Variants in VPS26A observed in about 807,000 individuals in gnomAD.
The protein encoded by VPS26A is vacuolar protein sorting-associated protein 26A.
VPS26A carries 22 observed loss-of-function variants against 42.4 expected under a neutral mutation model. The ratio of observed to expected loss-of-function variants is 0.52; its 90% CI spans 0.37 to 0.74. VPS26A has a LOEUF of 0.74. VPS26A is among the 30% of genes least tolerant of loss of function. The pLI, the probability that VPS26A is intolerant of heterozygous loss-of-function variation, is 0.00. For missense variants in VPS26A, 276 were observed against 379.2 expected, an observed-to-expected ratio of 0.73 and a Z score of 2.26; for synonymous variants, 110 against 123.5, an observed-to-expected ratio of 0.89 and a Z score of 0.73.
Position 69,166,216 on chromosome 10 carries a change from A to AT in VPS26A, c.727+108dup, listed in dbSNP as rs374276471. On this transcript the variant is annotated intron_variant, in intron 7 of 8. Transcript: ENST00000263559. ...GAAAGTATCTTTGAATTCTTAAACC[A>AT]TTCTTACAATGATAGCTTTTAAGGT... The AT allele has an allele frequency of 1.7e-3, 1,652 of 993,738 alleles. 21 individuals carry two copies. The African/African-American group carries it at 0.024, about 14-fold the overall frequency. 61.6% of individuals were successfully genotyped at this position (993,738 alleles called of 1,614,324 possible). A position where few individuals can be genotyped will look rare whatever the true frequency, so the allele number is the denominator to read the frequency against.
intron 2 of VPS26A, among the ~76,000 whole-genome samples, chr10:69,151,617 A>C (rs1841317416): frequency 6.6e-6 from 1 of 152,224 alleles, no homozygotes; most frequent in Non-Finnish European, 1.5e-5. Flanking sequence ...GCTTAAAAGC[A>C]ACTGTGTTTT....
chr10:69,139,708 A>G (rs1840997635), intron 2 of VPS26A, among the ~76,000 whole-genome samples: 1 of 152,190 alleles, frequency 6.6e-6, no homozygotes. Context: ...GCCATTATTA[A>G]TTAGTATTTA....
chr10:69,132,021 A>C (rs560496497), intron 1 of VPS26A, among the ~76,000 whole-genome samples: 2 of 152,300 alleles, frequency 1.3e-5, no homozygotes, highest in African/African-American at 4.8e-5. Context: ...AATTCACAGA[A>C]ATTTTATTTT....
intron 5 of VPS26A, among the ~76,000 whole-genome samples, chr10:69,159,208 C>A (rs1841498138): frequency 6.6e-6 from 1 of 152,030 alleles, no homozygotes; most frequent in Admixed American, 6.6e-5. Context: ...TGGAGAAACT[C>A]CGTCTCCACT....
intron 2 of VPS26A, chr10:69,133,555 CT>C: frequency 7.8e-7 from 1 of 1,289,448 alleles, no homozygotes; most frequent in Non-Finnish European, 1.0e-6. Context: ...GACTTGAGTA[CT>C]TTTGGGATGT....
intron 2 of VPS26A, among the ~76,000 whole-genome samples, chr10:69,133,378 C>T (rs57274572): frequency 7.2e-5 from 11 of 151,876 alleles, no homozygotes; most frequent in East Asian, 1.9e-4. Flanking sequence ...TTCTTCAGAT[C>T]GGAGCTGTAA....
intron 6 of VPS26A, among the ~76,000 whole-genome samples, chr10:69,163,875 C>T (rs1291892358): frequency 2.0e-5 from 3 of 150,572 alleles, no homozygotes; most frequent in African/African-American, 7.3e-5. Flanking sequence ...ACGCCATTCT[C>T]CTGCCTCAGC....
At chr10:69,164,223 CTT>C (rs756313883) in intron 6 of VPS26A, among the ~76,000 whole-genome samples, 7 of 144,524 alleles carry the variant, frequency 4.8e-5, no homozygotes, top group Non-Finnish European at 6.1e-5. Flanking sequence ...CCCCCTCCAC[CTT>C]TTTTTTTTTT....
rs1420391397 is a variant in VPS26A at position 69,171,794 on chromosome 10, C to T, written c.*525C>T. 6.5e-6 allele frequency: 1 copy of T among 153,176 alleles called. No homozygotes were observed. The highest frequency in any genetic ancestry group is 1.5e-5 in the Non-Finnish European group (1 of 68,516). The allele number at this position is 153,176 out of a possible 1,614,324, so 9.5% of individuals were successfully genotyped here. On this transcript the variant is annotated 3_prime_UTR_variant, in exon 9 of 9. Transcript: ENST00000263559. ...TTTTGAGAACTACATTTGTTTTTAACATATGTGTTTGAGAAAAGCATATGG... is the reference window on the plus strand; with the variant it reads ...TTTTGAGAACTACATTTGTTTTTAATATATGTGTTTGAGAAAAGCATATGG...
rs1483650289 is a variant in VPS26A at position 69,171,241 on chromosome 10, A to G, written c.956A>G (p.Gln319Arg). 1.2e-6 allele frequency: 2 copies of G among 1,613,724 alleles called. No homozygotes were observed. The highest frequency in any genetic ancestry group is 1.3e-5 in the African/African-American group (1 of 74,922). The change falls in exon 9 of 9, where the codon CAG becomes CGG. Residue 319 changes from glutamine (Q) to arginine (R), a missense_variant. Physicochemically the swap from Gln to Arg is conservative, Grantham distance 43 (BLOSUM62 1). Transcript: ENST00000263559. ...FHQRFESPES[Q>R]ASAEQPEM Reference sequence around the variant, plus strand: ...CAGCGATTTGAATCTCCAGAATCACAGGCATCTGCCGAACAGCCTGAAATG... The same window carrying G: ...CAGCGATTTGAATCTCCAGAATCACGGGCATCTGCCGAACAGCCTGAAATG...
intron 2 of VPS26A, among the ~76,000 whole-genome samples, chr10:69,151,284 C>CAAAAAAAAAAAAAAA (rs1162179375): frequency 1.6e-4 from 18 of 111,860 alleles, no homozygotes; most frequent in East Asian, 7.2e-4. Flanking sequence ...AAAAAAAAAA[C>CAAAAAAAAAAAAAAA]ACACACACAC....
intron 5 of VPS26A, among the ~76,000 whole-genome samples, chr10:69,158,854 A>T (rs1295070866): frequency 6.6e-6 from 1 of 152,168 alleles, no homozygotes; most frequent in Non-Finnish European, 1.5e-5. Flanking sequence ...CCAGACATTT[A>T]ATTTAACCCA....
At chr10:69,170,582 A>T (rs1841794915) in intron 8 of VPS26A, among the ~76,000 whole-genome samples, 1 of 152,190 alleles carries the variant, frequency 6.6e-6, no homozygotes, top group Non-Finnish European at 1.5e-5. Flanking sequence ...TTTGGATTGC[A>T]TTGGAGGCAG....
Position 69,173,894 on chromosome 10 carries a change from G to C in VPS26A, c.*2625G>C, listed in dbSNP as rs1841873389. Among the ~76,000 whole-genome samples, 1 of 142,948 alleles carries C rather than the reference G, an allele frequency of 7.0e-6. No homozygotes were observed. Among genetic ancestry groups the C allele is most frequent in the Non-Finnish European group, 1.6e-5 (1 of 64,230 alleles). The allele number at this position is 142,948 out of a possible 152,430, so 93.8% of individuals were successfully genotyped here. On this transcript the variant is annotated 3_prime_UTR_variant, in exon 9 of 9. Coordinates refer to ENST00000263559, the MANE Select transcript of VPS26A (RefSeq NM_004896.5). ...TGCCTGTAATCCCAGCTACTAGGGA[G>C]GCTGAGGCAGAATTGCTTGAACCCG...
At position 69,157,157 on chromosome 10, in the gene VPS26A, G is replaced by A. The variant is rs146283722; in HGVS notation, c.380G>A (p.Arg127His). The part of the protein sequence containing the change: ...PYESYIGANV[R>H]LRYFLKVTIV... ...GAATCTTACATCGGTGCCAATGTCC[G>A]CTTGAGGTATGAATGTGTATTATAA... is the stretch of plus-strand genomic sequence containing the variant. The change falls in exon 4 of 9, where the codon CGC (arginine) becomes CAC (histidine). Residue 127 changes from arginine to histidine, a missense_variant. Transcript: ENST00000263559. The A allele has an allele frequency of 6.2e-4, 992 of 1,611,840 alleles. 2 individuals carry two copies. Among genetic ancestry groups the A allele is most frequent in the Non-Finnish European group, 5.7e-4 (673 of 1,179,006 alleles).
chr10:69,166,132 T>A (rs1841682971), intron 7 of VPS26A, 22 bp downstream of exon 7: 7 of 1,605,464 alleles, frequency 4.4e-6, no homozygotes, highest in Non-Finnish European at 4.3e-6. Context: ...TTCAGTTACT[T>A]CTTTTGTATA....
chr10:69,127,335 C>G (rs1318139876), intron 1 of VPS26A, among the ~76,000 whole-genome samples: 1 of 150,802 alleles, frequency 6.6e-6, no homozygotes, highest in African/African-American at 2.4e-5. Flanking sequence ...GGGCGGATCA[C>G]GAGGTCAGGA....
intron 6 of VPS26A, among the ~76,000 whole-genome samples, chr10:69,165,166 A>C (rs189485152): frequency 2.1e-3 from 327 of 152,102 alleles, no homozygotes; most frequent in African/African-American, 7.3e-3. Flanking sequence ...GAGCTCAGGC[A>C]GTCTGCCTGC....
chr10:69,130,064 A>T lies in VPS26A; in HGVS notation c.4-2834A>T, dbSNP rs147011804. ...TTCCATTGATATAGTTTGCTACTATACCAATGCTAATTTGCTCAGAAAGGC... is the reference window on the plus strand; with the variant it reads ...TTCCATTGATATAGTTTGCTACTATTCCAATGCTAATTTGCTCAGAAAGGC... On this transcript the variant is annotated intron_variant, in intron 1 of 8. Transcript: ENST00000263559. Among the ~76,000 whole-genome samples, 11 of 152,302 alleles carry T rather than the reference A, an allele frequency of 7.2e-5. No homozygotes were observed. In the East Asian group the frequency reaches 2.1e-3, roughly 29 times the overall value.
Sources: allele counts gnomAD v4.1 joint callset (sites outside exome capture counted in the v4.1 genomes callset), GRCh38; gene constraint gnomAD v4.1.1; transcripts MANE v1.5; gene names NCBI Gene and HGNC (gene_info 2026-07-23, HGNC 2026-07-21).